Variants in EXOC6B observed in about 807,000 individuals in gnomAD.
EXOC6B encodes exocyst complex component 6B, also known as SEC15 homolog B.
EXOC6B carries 54 observed loss-of-function variants against 113.5 expected under a neutral mutation model. That is an observed-to-expected ratio of 0.48 (90% CI 0.38 to 0.60). The LOEUF (loss-of-function observed/expected upper bound fraction) is 0.60, where lower values mean the gene tolerates loss of function less well. Ranked by LOEUF, EXOC6B falls within the 20% of genes least tolerant of loss-of-function variation. The pLI is 0.00. For synonymous variants in EXOC6B, 357 were observed against 339.0 expected (o/e 1.05, Z -0.58); for missense variants, 797 against 977.5 (o/e 0.82, Z 2.46).
At chr2:72,319,257 C>T (rs533648939) in intron 20 of EXOC6B, among the ~76,000 whole-genome samples, 5 of 151,952 alleles carry the variant, frequency 3.3e-5, no homozygotes, top group East Asian at 3.9e-4. Flanking sequence ...ACTTGCTTAA[C>T]GGACAAAGGG....
chr2:72,459,235 C>A (rs565699334), intron 18 of EXOC6B, among the ~76,000 whole-genome samples: 34 of 152,216 alleles, frequency 2.2e-4, no homozygotes, highest in Non-Finnish European at 4.1e-4. Context: ...ATGACAAACC[C>A]ACAGCCAATA....
rs375097117 is a variant in EXOC6B, at chr2:72,606,839, G to A, written c.670-31171C>T. ...TTGACCAGGCTGGTCTTGAACTCCCGACCTCAAGTGATCTACCCACCTCGG... is the reference window on the plus strand; with the variant it reads ...TTGACCAGGCTGGTCTTGAACTCCCAACCTCAAGTGATCTACCCACCTCGG... On this transcript the variant is annotated intron_variant, in intron 6 of 21. Transcript: ENST00000272427. 2.2e-4 allele frequency among the ~76,000 whole-genome samples: 34 copies of A among 151,928 alleles called. No individual in the cohort carries two copies. In the East Asian group the frequency reaches 6.2e-3, roughly 28 times the overall value.
chr2:72,423,412 A>T (rs556489455), intron 18 of EXOC6B, among the ~76,000 whole-genome samples: 17 of 152,314 alleles, frequency 1.1e-4, no homozygotes, highest in African/African-American at 4.1e-4. Flanking sequence ...TGGGATTTTG[A>T]TTCATATATA....
At chr2:72,450,412 G>A (rs1276360771) in intron 18 of EXOC6B, among the ~76,000 whole-genome samples, 2 of 152,036 alleles carry the variant, frequency 1.3e-5, no homozygotes, top group African/African-American at 4.8e-5. Context: ...GACATAGAGG[G>A]TATAGACACA....
chr2:72,461,983 C>T (rs1409717947), intron 18 of EXOC6B: 2 of 151,918 alleles, frequency 1.3e-5, no homozygotes, highest in African/African-American at 4.8e-5. Context: ...TCCATTTTTG[C>T]TTACAAATGA....
chr2:72,487,013 A>G (rs1307846540), intron 16 of EXOC6B, among the ~76,000 whole-genome samples: 5 of 151,586 alleles, frequency 3.3e-5, no homozygotes, highest in Admixed American at 3.3e-4. Flanking sequence ...TAATTTTTTT[A>G]TTTACATAAA....
Position 72,741,298 on chromosome 2 carries a change from TCTTA to T in EXOC6B, c.279+2_279+5del. 1.2e-6 allele frequency: 2 copies of T among 1,611,254 alleles called. No individual in the cohort carries two copies. The highest frequency in any genetic ancestry group is 1.7e-6 in the Non-Finnish European group (2 of 1,179,122). On this transcript the variant is annotated splice_donor_variant and splice_donor_5th_base_variant and intron_variant, in intron 2 of 21. Transcript: ENST00000272427. LOFTEE classifies it high-confidence loss of function. ...GGAGAAACAGTATCTCTTAGAGCCT[TCTTA>T]CTTTGAGTTTCTGGGCTTCTCCTCT...
intron 1 of EXOC6B, among the ~76,000 whole-genome samples, chr2:72,746,349 C>G (rs966962386): frequency 6.6e-6 from 1 of 151,896 alleles, no homozygotes; most frequent in Non-Finnish European, 1.5e-5. Context: ...CTTTTTATAG[C>G]CTAAATTTGA....
intron 18 of EXOC6B, among the ~76,000 whole-genome samples, chr2:72,384,225 A>G (rs1233352639): frequency 4.6e-5 from 7 of 152,100 alleles, no homozygotes; most frequent in Admixed American, 4.6e-4. Flanking sequence ...CTTTTCAACA[A>G]TGAGAGTGGG....
intron 19 of EXOC6B, among the ~76,000 whole-genome samples, chr2:72,356,409 G>A (rs990860442): frequency 6.6e-6 from 1 of 152,128 alleles, no homozygotes; most frequent in Non-Finnish European, 1.5e-5. Flanking sequence ...GTAGATGCCT[G>A]TAGTCCTAGC....
intron 8 of EXOC6B, among the ~76,000 whole-genome samples, chr2:72,520,181 T>G (rs1003120377): frequency 1.3e-5 from 2 of 152,176 alleles, no homozygotes; most frequent in Admixed American, 6.5e-5. Flanking sequence ...TATTCCCAAC[T>G]CCTACAACAA....
intron 6 of EXOC6B, among the ~76,000 whole-genome samples, chr2:72,582,657 A>C (rs898223403): frequency 1.3e-5 from 2 of 152,076 alleles, no homozygotes; most frequent in Admixed American, 6.5e-5. Flanking sequence ...CAGAAATTAG[A>C]AGTCTCAATG....
chr2:72,653,194 G>A (rs182089402), intron 6 of EXOC6B, among the ~76,000 whole-genome samples: 2,274 of 151,038 alleles, frequency 0.015, 73 homozygotes, highest in African/African-American at 0.053. Context: ...AAGAAAATGT[G>A]GCACATATAC....
chr2:72,592,861 A>G (rs1706060859), intron 6 of EXOC6B, among the ~76,000 whole-genome samples: 1 of 152,066 alleles, frequency 6.6e-6, no homozygotes, highest in South Asian at 2.1e-4. Context: ...GCCCCTTTCA[A>G]CCATACCTGA....
At chr2:72,754,728 C>T (rs943306695) in intron 1 of EXOC6B, among the ~76,000 whole-genome samples, 9 of 151,400 alleles carry the variant, frequency 5.9e-5, no homozygotes, top group Non-Finnish European at 1.2e-4. Flanking sequence ...ACCCTCTAGC[C>T]TCCGCCTCCT....
chr2:72,471,529 G>A (rs1221162619), intron 17 of EXOC6B, among the ~76,000 whole-genome samples: 1 of 152,086 alleles, frequency 6.6e-6, no homozygotes, highest in Non-Finnish European at 1.5e-5. Flanking sequence ...TAGACATGAA[G>A]TCCTTGCCCA....
chr2:72,661,473 C>T (rs1337671777), intron 6 of EXOC6B, among the ~76,000 whole-genome samples: 1 of 149,520 alleles, frequency 6.7e-6, no homozygotes, highest in African/African-American at 2.5e-5. Flanking sequence ...CTTCTATAAA[C>T]TGGAAATAAA....
chr2:72,820,688 T>C (rs1037870838), intron 1 of EXOC6B, among the ~76,000 whole-genome samples: 2 of 152,060 alleles, frequency 1.3e-5, no homozygotes, highest in African/African-American at 4.8e-5. Context: ...ACATAAATCA[T>C]GATAAGGAGA....
intron 20 of EXOC6B, among the ~76,000 whole-genome samples, chr2:72,217,120 A>G (rs1680590823): frequency 6.6e-6 from 1 of 151,920 alleles, no homozygotes; most frequent in South Asian, 2.1e-4. Context: ...TTGTAGCCCA[A>G]TTTTGTGAAC....
Sources: gnomAD v4.1 joint callset for allele counts (sites outside exome capture counted in the v4.1 genomes callset) on GRCh38, gnomAD v4.1.1 for gene constraint, MANE v1.5 for transcripts, NCBI Gene and HGNC (gene_info 2026-07-23, HGNC 2026-07-21) for gene names.